The following MACROD2 variants were observed in gnomAD, a reference collection of about 807,000 sequenced individuals.
MACROD2 encodes ADP-ribose glycohydrolase MACROD2.
In MACROD2, 36 loss-of-function variants were observed where a neutral mutation model predicts 70.4. The observed-to-expected ratio is 0.51, with a 90% confidence interval of 0.39 to 0.68. MACROD2 has a LOEUF of 0.68. Among genes scored for constraint, MACROD2 ranks in the 30% least tolerant of loss-of-function variants. The pLI, the probability that MACROD2 is intolerant of heterozygous loss-of-function variation, is 0.00. For synonymous variants in MACROD2, 172 were observed against 178.8 expected (o/e 0.96, Z 0.30); for missense variants, 496 against 538.4 (o/e 0.92, Z 0.78).
chr20:15,756,919 A>G (rs1052773410), intron 8 of MACROD2, among the ~76,000 whole-genome samples: 1 of 152,140 alleles, frequency 6.6e-6, no homozygotes, highest in Admixed American at 6.6e-5. Context: ...CCTCATTCCC[A>G]CTGCCTGTCA....
chr20:14,778,955 A>ATGG (rs2072266349), intron 5 of MACROD2, among the ~76,000 whole-genome samples: 1 of 152,174 alleles, frequency 6.6e-6, no homozygotes, highest in Non-Finnish European at 1.5e-5. Flanking sequence ...CTCTCAATGC[A>ATGG]TGGTACAGTC....
At chr20:14,096,989 A>G (rs936464259) in intron 3 of MACROD2, among the ~76,000 whole-genome samples, 1 of 152,166 alleles carries the variant, frequency 6.6e-6, no homozygotes. Flanking sequence ...CGATGGCCAC[A>G]GTTTCCTCCT....
At chr20:14,214,160 C>A (rs1382757725) in intron 3 of MACROD2, among the ~76,000 whole-genome samples, 1 of 152,066 alleles carries the variant, frequency 6.6e-6, no homozygotes, top group Non-Finnish European at 1.5e-5. Flanking sequence ...TTATTAAAGT[C>A]TTTGTTACTT....
At chr20:15,209,581 C>T (rs143466935) in intron 5 of MACROD2, among the ~76,000 whole-genome samples, 259 of 152,244 alleles carry the variant, frequency 1.7e-3, no homozygotes, top group South Asian at 0.016. Context: ...GGACAGGTTA[C>T]GCCCAGGTTT....
chr20:15,790,083 T>G (rs1353269454), intron 8 of MACROD2, among the ~76,000 whole-genome samples: 1 of 152,052 alleles, frequency 6.6e-6, no homozygotes, highest in Non-Finnish European at 1.5e-5. Context: ...CTCCAAATTT[T>G]TTATACAAAG....
chr20:14,623,270 G>T (rs1476288156), intron 4 of MACROD2, among the ~76,000 whole-genome samples: 1 of 152,030 alleles, frequency 6.6e-6, no homozygotes, highest in Non-Finnish European at 1.5e-5. Context: ...AATATACTGG[G>T]TCTGCTATGG....
chr20:14,663,736 A>C (rs1278737843), intron 4 of MACROD2, among the ~76,000 whole-genome samples: 1 of 152,028 alleles, frequency 6.6e-6, no homozygotes, highest in East Asian at 1.9e-4. Flanking sequence ...ATGTAAAGGG[A>C]TCATACCATA....
At chr20:15,352,073 C>G (rs535617463) in intron 6 of MACROD2, among the ~76,000 whole-genome samples, 1 of 152,212 alleles carries the variant, frequency 6.6e-6, no homozygotes. Context: ...AGCTGAAGCT[C>G]AAACTGAGGC....
intron 5 of MACROD2, among the ~76,000 whole-genome samples, chr20:15,120,248 A>G (rs1410506141): frequency 1.0e-5 from 1 of 95,842 alleles, no homozygotes; most frequent in Non-Finnish European, 2.1e-5. Flanking sequence ...CTTAGACTGT[A>G]TTTTTAAGGG....
chr20:16,009,530 G>T (rs2066833551), intron 15 of MACROD2, among the ~76,000 whole-genome samples: 1 of 152,208 alleles, frequency 6.6e-6, no homozygotes, highest in South Asian at 2.1e-4. Context: ...GCCGAGGCGG[G>T]CAGATCACCT....
intron 5 of MACROD2, among the ~76,000 whole-genome samples, chr20:14,783,162 A>G (rs2072323086): frequency 6.6e-6 from 1 of 152,156 alleles, no homozygotes; most frequent in South Asian, 2.1e-4. Context: ...TTGAGGGATC[A>G]TGTTCTTATG....
rs560729277 is a variant in MACROD2, at chr20:15,487,055, T to A, written c.572-12719T>A. 2.0e-5 allele frequency among the ~76,000 whole-genome samples: 3 copies of A among 152,310 alleles called. No homozygotes were observed. In the South Asian group the frequency reaches 6.2e-4, roughly 32 times the overall value. ...TACCTGTCTGAAAGGGCAGTAGTTA[T>A]CTCGGACATTCTCTTTCCATACCAG... On this transcript the variant is annotated intron_variant, in intron 7 of 17. Transcript: ENST00000684519.
At chr20:15,625,008 T>A (rs2049182677) in intron 8 of MACROD2, among the ~76,000 whole-genome samples, 1 of 152,234 alleles carries the variant, frequency 6.6e-6, no homozygotes, top group Admixed American at 6.5e-5. Flanking sequence ...TTTGTGATTT[T>A]TTTACTTTAA....
chr20:14,720,536 CTTTTTTTTTTTTTTTTTTTTTTTTT>C, intron 5 of MACROD2, among the ~76,000 whole-genome samples: 1 of 35,926 alleles, frequency 2.8e-5, no homozygotes, highest in East Asian at 1.4e-3. Flanking sequence ...TGCCCCACAA[CTTTTTTTTTTTTTTTTTTTTTTTTT>C]TTTTTTTTTG....
intron 3 of MACROD2, among the ~76,000 whole-genome samples, chr20:14,282,923 G>A (rs1284196765): frequency 1.3e-5 from 2 of 152,194 alleles, no homozygotes; most frequent in Non-Finnish European, 2.9e-5. Context: ...AATTCACCAT[G>A]AGATTTGGGT....
At chr20:14,713,594 A>G (rs2071362834) in intron 5 of MACROD2, among the ~76,000 whole-genome samples, 1 of 152,200 alleles carries the variant, frequency 6.6e-6, no homozygotes, top group African/African-American at 2.4e-5. Flanking sequence ...AAGGTAAAGC[A>G]TATCTCAGAG....
intron 3 of MACROD2, among the ~76,000 whole-genome samples, chr20:14,403,016 C>T (rs989447406): frequency 4.6e-5 from 7 of 152,052 alleles, no homozygotes; most frequent in African/African-American, 1.7e-4. Context: ...ACTCATATTT[C>T]ATTAACAAAG....
intron 3 of MACROD2, among the ~76,000 whole-genome samples, chr20:14,280,513 A>G (rs2082298269): frequency 6.6e-6 from 1 of 152,172 alleles, no homozygotes; most frequent in Admixed American, 6.5e-5. Flanking sequence ...GTTAGAAACT[A>G]GATTAGCAGG....
intron 5 of MACROD2, among the ~76,000 whole-genome samples, chr20:15,104,269 G>T (rs759137827): frequency 1.3e-5 from 2 of 152,048 alleles, no homozygotes; most frequent in Non-Finnish European, 2.9e-5. Flanking sequence ...ATGATAGTAG[G>T]ATAAGTTCTT....
Sources: allele counts gnomAD v4.1 joint callset (sites outside exome capture counted in the v4.1 genomes callset), GRCh38; gene constraint gnomAD v4.1.1; transcripts MANE v1.5; gene names NCBI Gene and HGNC (gene_info 2026-07-23, HGNC 2026-07-21).